XIST: variants seen among roughly 807,000 people sequenced by gnomAD.
XIST encodes X inactive specific transcript (non-protein coding).
exon 1 of XIST, chrX:73,845,625 G>A: frequency 3.6e-6 from 2 of 556,264 alleles, no homozygotes; most frequent in Non-Finnish European, 6.5e-6. Context: ...TACCCCTGCT[G>A]TACTGCAAAG....
exon 6 of XIST, chrX:73,826,839 G>A: frequency 1.8e-6 from 1 of 558,681 alleles, no homozygotes; most frequent in Non-Finnish European, 3.2e-6. Flanking sequence ...GCTAATCTTA[G>A]GTCGTTGGCC....
chrX:73,829,979 C>T (rs1389676496), intron 4 of XIST, among the ~76,000 whole-genome samples: 1 of 110,454 alleles, frequency 9.1e-6, no homozygotes, highest in African/African-American at 3.3e-5. Flanking sequence ...TTTAAGTCTC[C>T]TGGCTCAGGA....
chrX:73,822,346 A>G, exon 6 of XIST: 1 of 547,303 alleles, frequency 1.8e-6, no homozygotes, highest in Non-Finnish European at 3.3e-6. Flanking sequence ...GAATTAAACC[A>G]CACAATGTTA....
At chrX:73,846,893 T>C in exon 1 of XIST, 1 of 558,764 alleles carries the variant, frequency 1.8e-6, no homozygotes, top group Non-Finnish European at 3.2e-6. Context: ...GTGTGATAGG[T>C]CAGAAACCCA....
At chrX:73,846,947 T>C (rs763856862) in exon 1 of XIST, 1 of 559,399 alleles carries the variant, frequency 1.8e-6, no homozygotes, top group South Asian at 2.2e-5. Flanking sequence ...ACATGCCATC[T>C]ACAGTTCGAA....
In XIST at chrX:73,851,438, C is replaced by T. The variant is rs1390236367; in HGVS notation, n.1286G>A. On this transcript the variant is annotated non_coding_transcript_exon_variant, in exon 1 of 6. Coordinates refer to ENST00000429829, the Ensembl canonical transcript of XIST. ...ATGCTAACCACTTAACAAAGCCTCGCCCATCATGATGTGGCCTTCCCGCCA... is the reference window on the plus strand; with the variant it reads ...ATGCTAACCACTTAACAAAGCCTCGTCCATCATGATGTGGCCTTCCCGCCA... 1.1e-5 allele frequency: 6 copies of T among 557,425 alleles called. No individual in the cohort carries two copies. In the Admixed American group the frequency reaches 1.3e-4, roughly 12 times the overall value. 45.9% of individuals were successfully genotyped at this position (557,425 alleles called of 1,213,427 possible).
exon 1 of XIST, chrX:73,849,901 G>A: frequency 1.9e-6 from 1 of 521,286 alleles, no homozygotes; most frequent in Non-Finnish European, 3.4e-6. Flanking sequence ...GTGGGAGTAG[G>A]GCTGGGGCTA....
chrX:73,825,317 CT>C lies in XIST; in HGVS notation n.14583del. On this transcript the variant is annotated non_coding_transcript_exon_variant, in exon 6 of 6. Transcript: ENST00000429829. ...AATTTATTCATTTATCAAACAATTC[CT>C]TGTGTCTGCATAGTACTATATCCTT... 5.4e-6 allele frequency: 3 copies of C among 558,890 alleles called. No individual in the cohort carries two copies. The Admixed American group carries it at 6.6e-5, about 12-fold the overall frequency. 46.1% of individuals were successfully genotyped at this position (558,890 alleles called of 1,213,427 possible).
chrX:73,842,686 AG>A (rs1922624377), exon 1 of XIST: 1 of 556,138 alleles, frequency 1.8e-6, no homozygotes, highest in African/African-American at 2.3e-5. Flanking sequence ...GCAATGCGAA[AG>A]GAAGTAGAGG....
Position 73,851,052 on chromosome X carries a change from A to G in XIST, n.1672T>C, listed in dbSNP as rs749511870. The G allele has an allele frequency of 2.0e-5, 11 of 558,084 alleles. No homozygotes were observed. In the Admixed American group the frequency reaches 2.4e-4, roughly 12 times the overall value. 46.0% of individuals were successfully genotyped at this position (558,084 alleles called of 1,213,427 possible). ...TAATTCACCCAGGTCTTCGCTGAGT[A>G]GCTGGACAGTGTGTCATCAGTCTAA... is the stretch of plus-strand genomic sequence containing the variant. On this transcript the variant is annotated non_coding_transcript_exon_variant, in exon 1 of 6. Transcript: ENST00000429829.
At chrX:73,830,976 G>A (rs1301067414) in intron 4 of XIST, 5 of 480,922 alleles carry the variant, frequency 1.0e-5, no homozygotes, top group Middle Eastern at 5.3e-4. Context: ...TGATGAATAC[G>A]ACCTCAGTGA....
exon 6 of XIST, chrX:73,827,019 T>C (rs1414665374): frequency 3.6e-6 from 2 of 559,057 alleles, no homozygotes; most frequent in South Asian, 4.4e-5. Flanking sequence ...CTGAGGCTTC[T>C]ATCTATCTTG....
At chrX:73,846,162 T>C in exon 1 of XIST, 1 of 553,019 alleles carries the variant, frequency 1.8e-6, no homozygotes, top group Non-Finnish European at 3.2e-6. Flanking sequence ...GGGACAAACA[T>C]AATCACACGC....
intron 5 of XIST, chrX:73,828,785 C>A (rs890583530): frequency 5.3e-6 from 1 of 189,335 alleles, no homozygotes. Context: ...AGCTTCTCAA[C>A]GTTTAAGGCT....
At chrX:73,851,722 G>T in exon 1 of XIST, 1 of 558,899 alleles carries the variant, frequency 1.8e-6, no homozygotes, top group South Asian at 2.2e-5. Context: ...CAATGCACAT[G>T]ACTTCCTCTG....
exon 6 of XIST, chrX:73,822,481 T>C (rs16992436): frequency 0.064 from 32,913 of 512,437 alleles, 1,196 homozygotes; most frequent in African/African-American, 0.21. Flanking sequence ...CAAGTACCTA[T>C]TGGCACCCGA....
chrX:73,845,632 A>G (rs1382286741), exon 1 of XIST: 2 of 554,860 alleles, frequency 3.6e-6, no homozygotes, highest in Admixed American at 4.5e-5. Context: ...GCTGTACTGC[A>G]AAGGGCATCT....
chrX:73,840,403 G>A (rs1922564320), intron 1 of XIST, among the ~76,000 whole-genome samples: 1 of 111,410 alleles, frequency 9.0e-6, no homozygotes, highest in African/African-American at 3.3e-5. Context: ...TATGGTTCTT[G>A]TTGCTCCTGC....
exon 1 of XIST, chrX:73,847,078 T>A (rs762578479): frequency 1.8e-6 from 1 of 559,211 alleles, no homozygotes; most frequent in Non-Finnish European, 3.2e-6. Context: ...CACGCTAACT[T>A]TACTAGTCTA....
Sources: gnomAD v4.1 joint callset for allele counts (sites outside exome capture counted in the v4.1 genomes callset) on GRCh38, gnomAD v4.1.1 for gene constraint, MANE v1.5 for transcripts, NCBI Gene and HGNC (gene_info 2026-07-23, HGNC 2026-07-21) for gene names.